Variants in KCNMB1 observed in about 807,000 individuals in gnomAD.
The protein encoded by KCNMB1 is calcium-activated potassium channel subunit beta-1.
Under a neutral mutation model 21.7 loss-of-function variants are expected in KCNMB1, and 22 were observed. The observed-to-expected ratio is 1.01, with a 90% CI of 0.72 to 1.45. The LOEUF is 1.45. Ranked by LOEUF, KCNMB1 falls within the 40% of genes most tolerant of loss-of-function variation. The pLI, the probability that KCNMB1 is intolerant of heterozygous loss-of-function variation, is 0.00. For missense variants in KCNMB1, 243 were observed against 243.4 expected, an observed-to-expected ratio of 1.00 and a Z score of 0.01; for synonymous variants, 114 against 107.6, an observed-to-expected ratio of 1.06 and a Z score of -0.37.
rs1424809040 is a variant in KCNMB1, at chr5:170,376,886, A to AC, written c.*1817_*1818insG. On this transcript the variant is annotated 3_prime_UTR_variant, in exon 4 of 4. Coordinates refer to ENST00000274629, the MANE Select transcript of KCNMB1 (RefSeq NM_004137.4). ...AACTTAAAATGAAAGTTAAGAAAAA[A>AC]ACACACACACAAAACAAACAAAAAA... 6.6e-6 allele frequency: 1 copy of AC among 152,252 alleles called. No individual in the cohort carries two copies. The highest frequency in any genetic ancestry group is 1.5e-5 in the Non-Finnish European group (1 of 68,048). The allele number at this position is 152,252 out of a possible 1,614,324, so 9.4% of individuals were successfully genotyped here.
rs1764234886 is a variant in KCNMB1 at position 170,381,412 on chromosome 5, C to T, written c.306+2267G>A. On this transcript the variant is annotated intron_variant, in intron 3 of 3. Transcript: ENST00000274629. ...GCTGAGGGCAGACTATGGCCCCTAC[C>T]TTCAGAGTTGGAGGGTGGGATGAGA... Among the ~76,000 whole-genome samples, 4 of 152,226 alleles carry T rather than the reference C, an allele frequency of 2.6e-5. No homozygotes were observed. The South Asian group carries it at 8.3e-4, about 32-fold the overall frequency.
At chr5:170,379,395 A>G (rs1228942841) in intron 3 of KCNMB1, among the ~76,000 whole-genome samples, 2 of 152,218 alleles carry the variant, frequency 1.3e-5, no homozygotes, top group Non-Finnish European at 2.9e-5. Context: ...GACACAGGCC[A>G]AGTGGGCTGT....
Position 170,377,150 on chromosome 5 carries a change from C to T in KCNMB1, c.*1554G>A, listed in dbSNP as rs1387387387. On this transcript the variant is annotated 3_prime_UTR_variant, in exon 4 of 4. Transcript: ENST00000274629. ...CTCAGGACTGGCCCTGCCGAATGGT[C>T]ACTCACCTGCTCTGAAAATCCTCGC... 4 of 152,330 alleles carry T rather than the reference C, an allele frequency of 2.6e-5. No individual in the cohort carries two copies. Among genetic ancestry groups the T allele is most frequent in the African/African-American group, 9.6e-5 (4 of 41,478 alleles). The allele number at this position is 152,330 out of a possible 1,614,324, so 9.4% of individuals were successfully genotyped here. A position where few individuals can be genotyped will look rare whatever the true frequency, so the allele number is the denominator to read the frequency against.
intron 2 of KCNMB1, 48 bp downstream of exon 2, chr5:170,385,265 GA>G: frequency 6.2e-7 from 1 of 1,602,810 alleles, no homozygotes; most frequent in Non-Finnish European, 8.5e-7. Flanking sequence ...ACAGATGCCA[GA>G]CCCTTAGGAG....
chr5:170,375,226 G>T lies in KCNMB1; in HGVS notation c.*3478C>A, dbSNP rs1763956972. On this transcript the variant is annotated 3_prime_UTR_variant, in exon 4 of 4. Coordinates refer to ENST00000274629, the MANE Select transcript of KCNMB1 (RefSeq NM_004137.4). ...CCCCAATGGTAATATTTAATATTTTGCAAAACTATAGTACAATATTACAAT... is the reference window on the plus strand; with the variant it reads ...CCCCAATGGTAATATTTAATATTTTTCAAAACTATAGTACAATATTACAAT... The T allele has an allele frequency of 6.6e-6, 1 of 152,090 alleles. No individual in the cohort carries two copies. The highest frequency in any genetic ancestry group is 1.5e-5 in the Non-Finnish European group (1 of 68,032). The allele number at this position is 152,090 out of a possible 1,614,324, so 9.4% of individuals were successfully genotyped here.
intron 1 of KCNMB1, among the ~76,000 whole-genome samples, chr5:170,385,879 G>A (rs1000279566): frequency 6.6e-6 from 1 of 151,940 alleles, no homozygotes; most frequent in Admixed American, 6.6e-5. Flanking sequence ...CAGCACTTTC[G>A]GAGACCGAGG....
At position 170,376,639 on chromosome 5, in the gene KCNMB1, T is replaced by C. The variant is rs1247825245; in HGVS notation, c.*2065A>G. On this transcript the variant is annotated 3_prime_UTR_variant, in exon 4 of 4. Transcript: ENST00000274629. ...AGTATTTAGTTTTGTGTCCCTGTGT[T>C]AGTTTGCTAAGGATAATATTTGGCC... 1 of 152,196 alleles carries C rather than the reference T, an allele frequency of 6.6e-6. No homozygotes were observed. The highest frequency in any genetic ancestry group is 1.5e-5 in the Non-Finnish European group (1 of 68,028). 9.4% of individuals were successfully genotyped at this position (152,196 alleles called of 1,614,324 possible).
chr5:170,381,780 A>T (rs967167698), intron 3 of KCNMB1, among the ~76,000 whole-genome samples: 3 of 151,684 alleles, frequency 2.0e-5, no homozygotes, highest in Non-Finnish European at 4.4e-5. Context: ...GGCCCATATC[A>T]CTCCCGGAGA....
At chr5:170,379,764 C>G (rs1414060541) in intron 3 of KCNMB1, among the ~76,000 whole-genome samples, 1 of 151,982 alleles carries the variant, frequency 6.6e-6, no homozygotes, top group Non-Finnish European at 1.5e-5. Context: ...GCCTAGGCAA[C>G]ATAGCAAGAC....
At chr5:170,385,267 C>A (rs775486229) in intron 2 of KCNMB1, 47 bp downstream of exon 2, 4 of 1,610,694 alleles carry the variant, frequency 2.5e-6, no homozygotes, top group Non-Finnish European at 3.4e-6. Flanking sequence ...AGATGCCAGA[C>A]CCTTAGGAGA....
chr5:170,379,695 T>C (rs1764161358), intron 3 of KCNMB1, among the ~76,000 whole-genome samples: 2 of 152,132 alleles, frequency 1.3e-5, no homozygotes, highest in Non-Finnish European at 2.9e-5. Context: ...ACACCTGTAA[T>C]CCTAACACTT....
rs558566195 is a variant in KCNMB1, at chr5:170,376,952, A to G, written c.*1752T>C. On this transcript the variant is annotated 3_prime_UTR_variant, in exon 4 of 4. Coordinates refer to ENST00000274629, the MANE Select transcript of KCNMB1 (RefSeq NM_004137.4). ...TTTAAACACCTATGATGTGTCAAAC[A>G]TTCCTTCAGCCCTCCCAACTATCCA... 1 of 152,362 alleles carries G rather than the reference A, an allele frequency of 6.6e-6. No individual in the cohort carries two copies. Among genetic ancestry groups the G allele is most frequent in the Non-Finnish European group, 1.5e-5 (1 of 68,038 alleles). The allele number at this position is 152,362 out of a possible 1,614,324, so 9.4% of individuals were successfully genotyped here.
chr5:170,376,928 T>G lies in KCNMB1; in HGVS notation c.*1776A>C, dbSNP rs776578174. 6 of 152,216 alleles carry G rather than the reference T, an allele frequency of 3.9e-5. No homozygotes were observed. Among genetic ancestry groups the G allele is most frequent in the Non-Finnish European group, 7.3e-5 (5 of 68,046 alleles). 9.4% of individuals were successfully genotyped at this position (152,216 alleles called of 1,614,324 possible). A position where few individuals can be genotyped will look rare whatever the true frequency, so the allele number is the denominator to read the frequency against. On this transcript the variant is annotated 3_prime_UTR_variant, in exon 4 of 4. Coordinates refer to ENST00000274629, the MANE Select transcript of KCNMB1 (RefSeq NM_004137.4). ...AACAAAAAAAACTATAGTTGCCATT[T>G]TAAACACCTATGATGTGTCAAACAT... is the stretch of plus-strand genomic sequence containing the variant.
intron 3 of KCNMB1, 99 bp from the exon 4 acceptor site, chr5:170,379,072 G>T: frequency 1.4e-6 from 2 of 1,431,532 alleles, no homozygotes; most frequent in East Asian, 2.3e-5. Context: ...TTGTAGTCGG[G>T]CCCCTGGATT....
intron 3 of KCNMB1, 21 bp from the exon 4 acceptor site, chr5:170,378,994 A>G: frequency 6.2e-7 from 1 of 1,608,520 alleles, no homozygotes; most frequent in Non-Finnish European, 8.5e-7. Context: ...AAACAAGAGC[A>G]GCTGTGGGCT....
chr5:170,380,860 C>A (rs1413693783), intron 3 of KCNMB1, among the ~76,000 whole-genome samples: 2 of 152,112 alleles, frequency 1.3e-5, no homozygotes, highest in Admixed American at 1.3e-4. Flanking sequence ...CCTCACTGGG[C>A]CTTGTAAAAT....
rs916509978 is a variant in KCNMB1, at chr5:170,384,130, G to A, written c.135-280C>T. Among the ~76,000 whole-genome samples the A allele has an allele frequency of 5.3e-5, 8 of 152,288 alleles. No individual in the cohort carries two copies. The East Asian group carries it at 1.2e-3, about 22-fold the overall frequency. On this transcript the variant is annotated intron_variant, in intron 2 of 3. Coordinates refer to ENST00000274629, the MANE Select transcript of KCNMB1 (RefSeq NM_004137.4). Reference sequence around the variant, plus strand: ...CTGGGGAGCTTCTAAAAAGATTCCCGTGTCCAAGCTACACCCCAGAGCAAG... The same window carrying A: ...CTGGGGAGCTTCTAAAAAGATTCCCATGTCCAAGCTACACCCCAGAGCAAG...
At chr5:170,379,033 T>C (rs980194191) in intron 3 of KCNMB1, 60 bp from the exon 4 acceptor site, 1 of 1,573,978 alleles carries the variant, frequency 6.4e-7, no homozygotes, top group Non-Finnish European at 8.6e-7. Flanking sequence ...AGCCAAGGGC[T>C]TGATATGGAG....
At position 170,378,790 on chromosome 5, in the gene KCNMB1, G is replaced by A. The variant is rs1436911192; in HGVS notation, c.490C>T (p.Pro164Ser). The change falls in exon 4 of 4, where the codon CCC becomes TCC. Residue 164 changes from proline to serine, a missense_variant. Transcript: ENST00000274629. ...PQALLFSLFW[P>S]TFLLTGGLLI... ...AGGCCACCGGTCAGCAGGAAGGTGG[G>A]CCAGAAGAGGGAGAAGAGGAGGGCC... 2 of 1,614,238 alleles carry A rather than the reference G, an allele frequency of 1.2e-6. No individual in the cohort carries two copies. Among genetic ancestry groups the A allele is most frequent in the Non-Finnish European group, 1.7e-6 (2 of 1,180,036 alleles).
Sources: allele counts gnomAD v4.1 joint callset (sites outside exome capture counted in the v4.1 genomes callset), GRCh38; gene constraint gnomAD v4.1.1; transcripts MANE v1.5; gene names NCBI Gene and HGNC (gene_info 2026-07-23, HGNC 2026-07-21).